TBXAS1: variants seen among roughly 807,000 people sequenced by gnomAD.
TBXAS1 encodes thromboxane-A synthase.
Under a neutral mutation model 60.7 loss-of-function variants are expected in TBXAS1, and 48 were observed. That is an observed-to-expected ratio of 0.79 (90% CI 0.63 to 1.01). The LOEUF (loss-of-function observed/expected upper bound fraction) is 1.01, where lower values mean the gene tolerates loss of function less well. Among genes scored for constraint, TBXAS1 ranks in the 50% least tolerant of loss-of-function variants. The pLI is 0.00. For synonymous variants in TBXAS1, 287 were observed against 269.7 expected, an observed-to-expected ratio of 1.06 and a Z score of -0.63; for missense variants, 685 against 686.3, an observed-to-expected ratio of 1.00 and a Z score of 0.02.
upstream of TBXAS1, among the ~76,000 whole-genome samples, chr7:139,826,625 G>A (rs1183642468): frequency 1.3e-5 from 2 of 152,162 alleles, no homozygotes; most frequent in Non-Finnish European, 2.9e-5. Flanking sequence ...GGGCTTTAGA[G>A]TCATACAGCC....
intron 3 of TBXAS1, among the ~76,000 whole-genome samples, chr7:139,876,186 G>A (rs1017107781): frequency 1.3e-5 from 2 of 152,138 alleles, no homozygotes; most frequent in East Asian, 3.8e-4. Flanking sequence ...AGACTATCCC[G>A]GATATGCTGG....
chr7:140,006,987 T>TTTA, intron 9 of TBXAS1, 104 bp from the exon 10 acceptor site: 1 of 1,136,780 alleles, frequency 8.8e-7, no homozygotes, highest in Admixed American at 1.7e-5. Flanking sequence ...TCTGTTTAAA[T>TTTA]GTTTGCCAAA....
At chr7:139,800,128 T>C (rs1257052302) in intron 4 of TBXAS1, among the ~76,000 whole-genome samples, 2 of 152,154 alleles carry the variant, frequency 1.3e-5, no homozygotes, top group African/African-American at 4.8e-5. Context: ...TTATTGAGAC[T>C]CTGGAAGAAC....
chr7:139,886,386 ATTTTTTT>A (rs8192818), intron 3 of TBXAS1, among the ~76,000 whole-genome samples: 29 of 99,642 alleles, frequency 2.9e-4, no homozygotes, highest in East Asian at 8.2e-4. Flanking sequence ...TTGCAGATGA[ATTTTTTT>A]TTTTTTTTTT....
intron 4 of TBXAS1, among the ~76,000 whole-genome samples, chr7:139,801,912 C>T (rs542558725): frequency 1.7e-4 from 26 of 152,294 alleles, no homozygotes; most frequent in East Asian, 5.8e-4. Flanking sequence ...TACAGATGCA[C>T]GCCACTGTGT....
At position 139,984,026 on chromosome 7, in the gene TBXAS1, G is replaced by A. The variant is rs144566548; in HGVS notation, c.1134+21793G>A. 6.6e-4 allele frequency among the ~76,000 whole-genome samples: 101 copies of A among 152,310 alleles called. No individual in the cohort carries two copies. The East Asian group carries it at 0.018, about 27-fold the overall frequency. On this transcript the variant is annotated intron_variant, in intron 9 of 12. Coordinates refer to ENST00000448866, the MANE Select transcript of TBXAS1 (RefSeq NM_001061.7). ...AGGTACCACAATGCCTTCATCACTTGTATCTTCCCCGACCCTGTGATGAAG... is the reference window on the plus strand; with the variant it reads ...AGGTACCACAATGCCTTCATCACTTATATCTTCCCCGACCCTGTGATGAAG...
chr7:139,930,097 C>T (rs1036466519), intron 4 of TBXAS1, among the ~76,000 whole-genome samples: 3 of 152,190 alleles, frequency 2.0e-5, no homozygotes, highest in African/African-American at 7.2e-5. Context: ...TAAGGGTCCT[C>T]ACGCACATGA....
In TBXAS1 at chr7:140,013,816, T is replaced by C. The variant is rs942489843; in HGVS notation, c.1227-1907T>C. 6.6e-6 allele frequency among the ~76,000 whole-genome samples: 1 copy of C among 152,262 alleles called. No individual in the cohort carries two copies. Among genetic ancestry groups the C allele is most frequent in the Non-Finnish European group, 1.5e-5 (1 of 68,048 alleles). ...CCAGCAGCCTCCAACACACCTGACCTGCTCATGGCCTTAATCCCAAACCCA... is the reference window on the plus strand; with the variant it reads ...CCAGCAGCCTCCAACACACCTGACCCGCTCATGGCCTTAATCCCAAACCCA... On this transcript the variant is annotated intron_variant, in intron 10 of 12. Coordinates refer to ENST00000448866, the MANE Select transcript of TBXAS1 (RefSeq NM_001061.7). This position sits in a 1 kb window ranked among gnomAD's most constrained non-coding sequence, Gnocchi z 4.2.
chr7:139,822,305 T>A, intron 4 of TBXAS1, among the ~76,000 whole-genome samples: 1 of 152,156 alleles, frequency 6.6e-6, no homozygotes, highest in Non-Finnish European at 1.5e-5. Flanking sequence ...TGAATCTTTT[T>A]CCAGGCATCT....
At position 139,975,356 on chromosome 7, in the gene TBXAS1, G is replaced by A. The variant is rs1025178726; in HGVS notation, c.1134+13123G>A. Among the ~76,000 whole-genome samples the A allele has an allele frequency of 2.6e-4, 39 of 152,126 alleles. No homozygotes were observed. The highest frequency in any genetic ancestry group is 8.5e-4 in the African/African-American group (35 of 41,420). On this transcript the variant is annotated intron_variant, in intron 9 of 12. Transcript: ENST00000448866. The surrounding 1 kb of genome is among the most constrained non-coding windows in gnomAD (Gnocchi z 4.4). ...AATACCCTAGGACAGGGCCTAGGTC[G>A]GATTGGCACTCACGTTTCCCGACTC...
At chr7:139,834,204 C>T (rs959857230) in intron 1 of TBXAS1, among the ~76,000 whole-genome samples, 10 of 152,178 alleles carry the variant, frequency 6.6e-5, no homozygotes, top group African/African-American at 2.4e-4. Flanking sequence ...TAACCTGCTT[C>T]TGAATGAGCA....
At chr7:139,953,131 CT>C (rs1272819864) in intron 5 of TBXAS1, among the ~76,000 whole-genome samples, 1 of 152,188 alleles carries the variant, frequency 6.6e-6, no homozygotes. Flanking sequence ...ATCTGTTCTT[CT>C]TTTTTGCTTC....
intron 4 of TBXAS1, among the ~76,000 whole-genome samples, chr7:139,922,546 T>G (rs1348166999): frequency 6.6e-6 from 1 of 152,234 alleles, no homozygotes; most frequent in Non-Finnish European, 1.5e-5. Context: ...TGTTCTGCCT[T>G]GAGTCTTTTG....
At chr7:139,864,854 A>G (rs1050179754) in intron 1 of TBXAS1, among the ~76,000 whole-genome samples, 4 of 152,180 alleles carry the variant, frequency 2.6e-5, no homozygotes, top group African/African-American at 9.6e-5. Context: ...CCACTGAGAT[A>G]CCGATTCTGT....
At chr7:139,967,496 G>T (rs537303728) in intron 9 of TBXAS1, among the ~76,000 whole-genome samples, 2 of 152,326 alleles carry the variant, frequency 1.3e-5, no homozygotes, top group East Asian at 3.9e-4. Flanking sequence ...GTAGGTTCAA[G>T]TTCAACGGGA....
intron 9 of TBXAS1, among the ~76,000 whole-genome samples, chr7:139,965,145 G>T (rs1810680281): frequency 6.6e-6 from 1 of 152,148 alleles, no homozygotes; most frequent in African/African-American, 2.4e-5. Flanking sequence ...TTGAAGCAGG[G>T]AGGCGGAGGT....
chr7:139,934,508 C>T (rs1452677003), intron 4 of TBXAS1, among the ~76,000 whole-genome samples: 1 of 152,154 alleles, frequency 6.6e-6, no homozygotes, highest in Non-Finnish European at 1.5e-5. Flanking sequence ...TTTCATTCAA[C>T]ATGGTATAGA....
At chr7:139,943,301 T>C (rs951889331) in intron 5 of TBXAS1, among the ~76,000 whole-genome samples, 1 of 152,238 alleles carries the variant, frequency 6.6e-6, no homozygotes, top group Non-Finnish European at 1.5e-5. Flanking sequence ...CTGGAATAGC[T>C]GGGTATTTAT....
intron 10 of TBXAS1, 47 bp downstream of exon 10, chr7:140,007,229 T>G: frequency 6.9e-7 from 1 of 1,456,258 alleles, no homozygotes; most frequent in Non-Finnish European, 9.4e-7. Flanking sequence ...CTCCTACCCC[T>G]ACCCCCTGCC....
Sources: gnomAD v4.1 joint callset for allele counts (sites outside exome capture counted in the v4.1 genomes callset) on GRCh38, gnomAD v4.1.1 for gene constraint, Gnocchi (gnomAD v3.1) non-coding constraint, MANE v1.5 for transcripts, NCBI Gene and HGNC (gene_info 2026-07-23, HGNC 2026-07-21) for gene names.